WDPCP: variants seen among roughly 807,000 people sequenced by gnomAD.
WDPCP encodes WD repeat-containing and planar cell polarity effector protein fritz homolog.
A neutral mutation model predicts 93.1 loss-of-function variants in WDPCP; 71 were observed. The observed-to-expected ratio is 0.76, with a 90% confidence interval of 0.63 to 0.93. The LOEUF is 0.93. Among genes scored for constraint, WDPCP ranks in the 40% least tolerant of loss-of-function variants. The probability of loss-of-function intolerance (pLI) is 0.00; values close to 1 mark genes in which losing one functional copy is unlikely to be tolerated. For missense variants in WDPCP, 844 were observed against 887.4 expected (o/e 0.95, Z 0.62); for synonymous variants, 315 against 315.0 (o/e 1.00, Z 0.00).
intron 6 of WDPCP, among the ~76,000 whole-genome samples, chr2:63,478,685 T>C (rs1289138997): frequency 6.6e-6 from 1 of 152,126 alleles, no homozygotes; most frequent in Non-Finnish European, 1.5e-5. Context: ...AAGATGGTGC[T>C]AAGAGGAAAG....
At chr2:63,668,371 T>C (rs778676176) in intron 2 of WDPCP, among the ~76,000 whole-genome samples, 2 of 152,212 alleles carry the variant, frequency 1.3e-5, no homozygotes, top group Non-Finnish European at 2.9e-5. Flanking sequence ...TGTTTTACAA[T>C]AACCAGCAGG....
At chr2:63,629,365 A>C (rs911776992) in intron 3 of WDPCP, among the ~76,000 whole-genome samples, 1 of 152,246 alleles carries the variant, frequency 6.6e-6, no homozygotes, top group Admixed American at 6.5e-5. Context: ...CCACTGGGGA[A>C]GTATCAGAGA....
chr2:63,772,717 C>T (rs1670247499), intron 2 of WDPCP, among the ~76,000 whole-genome samples: 1 of 151,832 alleles, frequency 6.6e-6, no homozygotes, highest in African/African-American at 2.4e-5. Context: ...GAAAAGGCAT[C>T]AACAATAAAA....
chr2:63,332,710 G>A (rs1018355818), intron 12 of WDPCP, among the ~76,000 whole-genome samples: 3 of 152,050 alleles, frequency 2.0e-5, no homozygotes, highest in African/African-American at 7.2e-5. Flanking sequence ...TTTCTTAATG[G>A]TGTCTTTTGA....
At chr2:63,835,730 C>T in the WDPCP span, among the ~76,000 whole-genome samples, 12 of 152,154 alleles carry the variant, frequency 7.9e-5, no homozygotes, top group Admixed American at 7.2e-4. Context: ...GACATACCTC[C>T]TCTTTTTCAT....
chr2:63,618,113 A>G (rs2106633832), intron 3 of WDPCP, among the ~76,000 whole-genome samples: 1 of 152,350 alleles, frequency 6.6e-6, no homozygotes, highest in South Asian at 2.1e-4. Context: ...TAAATGAAAG[A>G]GGGGCTTATG....
intron 1 of WDPCP, among the ~76,000 whole-genome samples, chr2:63,538,021 T>A (rs970860596): frequency 6.6e-6 from 1 of 152,202 alleles, no homozygotes; most frequent in Non-Finnish European, 1.5e-5. Context: ...AAATTTGCAA[T>A]CATCTTATAA....
At chr2:63,527,893 C>T (rs1190240730) in intron 1 of WDPCP, among the ~76,000 whole-genome samples, 1 of 152,006 alleles carries the variant, frequency 6.6e-6, no homozygotes, top group South Asian at 2.1e-4. Context: ...TGTTTCCTGA[C>T]TTTTTATTGA....
intron 17 of WDPCP, among the ~76,000 whole-genome samples, chr2:63,133,344 C>G (rs186765007): frequency 1.3e-5 from 2 of 152,300 alleles, no homozygotes; most frequent in African/African-American, 2.4e-5. Context: ...TAGCAGAGAT[C>G]TGAGTTAGGT....
At chr2:63,146,337 T>C (rs778642085) in intron 17 of WDPCP, among the ~76,000 whole-genome samples, 3 of 152,064 alleles carry the variant, frequency 2.0e-5, no homozygotes, top group Non-Finnish European at 2.9e-5. Context: ...ATTTTGGCTA[T>C]GGGTTTGTCA....
intron 13 of WDPCP, among the ~76,000 whole-genome samples, chr2:63,303,210 T>G (rs1685463077): frequency 6.6e-6 from 1 of 152,162 alleles, no homozygotes; most frequent in Admixed American, 6.5e-5. Flanking sequence ...TTTAGCTTGT[T>G]CAAGGCCACA....
intron 2 of WDPCP, among the ~76,000 whole-genome samples, chr2:63,804,698 C>T (rs1350523781): frequency 6.6e-6 from 1 of 151,894 alleles, no homozygotes; most frequent in Non-Finnish European, 1.5e-5. Context: ...CCCTCTCCCT[C>T]AGGCCTATCT....
At chr2:63,195,664 G>T (rs1209028284) in intron 14 of WDPCP, among the ~76,000 whole-genome samples, 1 of 151,934 alleles carries the variant, frequency 6.6e-6, no homozygotes, top group African/African-American at 2.4e-5. Flanking sequence ...GTTTTTGGAG[G>T]TTTGTGACAA....
At position 63,248,505 on chromosome 2, in the gene WDPCP, G is replaced by C. The variant is rs62177795; in HGVS notation, c.1915+10802C>G. On this transcript the variant is annotated intron_variant, in intron 14 of 17. Coordinates refer to ENST00000272321, the MANE Select transcript of WDPCP (RefSeq NM_015910.7). The stretch of plus-strand genomic sequence containing the variant: ...GAGGGTTTTGGTCATTATTTCTTCA[G>C]ATCATCTTTCTGATCCTTTCTCTGT... Among the ~76,000 whole-genome samples the C allele has an allele frequency of 8.4e-3, 1,273 of 151,856 alleles. 6 individuals carry two copies. Among genetic ancestry groups the C allele is most frequent in the Non-Finnish European group, 0.011 (720 of 67,914 alleles).
intron 2 of WDPCP, among the ~76,000 whole-genome samples, chr2:63,730,946 G>GA (rs111256921): frequency 1.1e-3 from 152 of 144,064 alleles, no homozygotes; most frequent in South Asian, 2.4e-3. Flanking sequence ...CCAAGTACAT[G>GA]AAAAAAAAAA....
At chr2:63,595,128 CAAT>C (rs1370820620) in intron 3 of WDPCP, 1 of 423,476 alleles carries the variant, frequency 2.4e-6, no homozygotes, top group Non-Finnish European at 4.4e-6. Context: ...CAGCTATTAA[CAAT>C]AAGAGCAAGC....
At chr2:63,318,862 C>T (rs569280845) in intron 12 of WDPCP, among the ~76,000 whole-genome samples, 1 of 152,084 alleles carries the variant, frequency 6.6e-6, no homozygotes, top group Non-Finnish European at 1.5e-5. Flanking sequence ...AAGCTGTACA[C>T]CAGACCCCCA....
intron 1 of WDPCP, among the ~76,000 whole-genome samples, chr2:63,573,178 G>C (rs2106484318): frequency 6.6e-6 from 1 of 152,122 alleles, no homozygotes; most frequent in South Asian, 2.1e-4. Context: ...AGGAAGTAGA[G>C]GCTGCAGTGA....
intron 1 of WDPCP, among the ~76,000 whole-genome samples, chr2:63,514,244 G>A (rs1229971005): frequency 6.6e-6 from 1 of 151,948 alleles, no homozygotes; most frequent in African/African-American, 2.4e-5. Flanking sequence ...TATATATATG[G>A]GCTATATGGA....
Sources: gnomAD v4.1 joint callset for allele counts (sites outside exome capture counted in the v4.1 genomes callset) on GRCh38, gnomAD v4.1.1 for gene constraint, MANE v1.5 for transcripts, NCBI Gene and HGNC (gene_info 2026-07-23, HGNC 2026-07-21) for gene names.